Variants in MITF observed in about 807,000 individuals in gnomAD.
MITF encodes melanocyte inducing transcription factor, also known as microphthalmia-associated transcription factor.
Under a neutral mutation model 60.5 loss-of-function variants are expected in MITF, and 17 were observed. The observed-to-expected ratio is 0.28, with a 90% CI of 0.19 to 0.42. MITF has a LOEUF of 0.42. MITF is among the 10% of genes least tolerant of loss of function. The probability of loss-of-function intolerance (pLI) is 1.00; values close to 1 mark genes in which losing one functional copy is unlikely to be tolerated. For missense variants in MITF, 622 were observed against 683.5 expected, an observed-to-expected ratio of 0.91 and a Z score of 1.00; for synonymous variants, 260 against 248.5, an observed-to-expected ratio of 1.05 and a Z score of -0.43.
chr3:69,938,202 C>T, intron 3 of MITF, 153 bp downstream of exon 3: 1 of 1,144,160 alleles, frequency 8.7e-7, no homozygotes, highest in South Asian at 1.3e-5. Flanking sequence ...TGTGGCATTC[C>T]AGCCTGTTGT....
chr3:69,790,380 C>T (rs962366919), intron 1 of MITF, among the ~76,000 whole-genome samples: 1 of 151,926 alleles, frequency 6.6e-6, no homozygotes, highest in Non-Finnish European at 1.5e-5. Flanking sequence ...TTCAGTTTTG[C>T]GAGATGAAAA....
At chr3:69,950,551 CAT>C (rs2066222246) in intron 6 of MITF, among the ~76,000 whole-genome samples, 1 of 144,534 alleles carries the variant, frequency 6.9e-6, no homozygotes, top group African/African-American at 2.6e-5. Flanking sequence ...TATAGATATG[CAT>C]ATATACATGG....
chr3:69,746,053 C>T (rs1157643224), intron 1 of MITF, among the ~76,000 whole-genome samples: 1 of 152,202 alleles, frequency 6.6e-6, no homozygotes, highest in Non-Finnish European at 1.5e-5. Context: ...TGAGGTGCCT[C>T]AACCTGCAGA....
chr3:69,849,216 G>A (rs2063785286), intron 1 of MITF, among the ~76,000 whole-genome samples: 1 of 151,826 alleles, frequency 6.6e-6, no homozygotes, highest in Non-Finnish European at 1.5e-5. Flanking sequence ...CGCCCGCCTC[G>A]GCCTCCCAAA....
chr3:69,956,053 C>G (rs1315780369), intron 7 of MITF, among the ~76,000 whole-genome samples: 2 of 152,174 alleles, frequency 1.3e-5, no homozygotes, highest in African/African-American at 4.8e-5. Flanking sequence ...GCCAGAAGTA[C>G]TAACTTCCTG....
At chr3:69,904,027 GTAT>G (rs1362132430) in intron 2 of MITF, among the ~76,000 whole-genome samples, 1 of 152,086 alleles carries the variant, frequency 6.6e-6, no homozygotes, top group African/African-American at 2.4e-5. Flanking sequence ...TCAGTGGCTG[GTAT>G]TATTACTATA....
chr3:69,826,067 A>G (rs2107072568), intron 1 of MITF, among the ~76,000 whole-genome samples: 1 of 152,314 alleles, frequency 6.6e-6, no homozygotes, highest in South Asian at 2.1e-4. Context: ...AGTGGAATAC[A>G]TAGAGAGGAG....
intron 3 of MITF, 158 bp downstream of exon 3, chr3:69,938,207 TG>T: frequency 8.9e-7 from 1 of 1,126,010 alleles, no homozygotes; most frequent in Non-Finnish European, 1.3e-6. Flanking sequence ...CATTCCAGCC[TG>T]TTGTCTCCAT....
chr3:69,876,372 C>T (rs2064353861), intron 1 of MITF, among the ~76,000 whole-genome samples: 2 of 152,034 alleles, frequency 1.3e-5, no homozygotes, highest in Admixed American at 6.6e-5. Flanking sequence ...ATAGTAAGGC[C>T]GCTTATTTAT....
chr3:69,936,868 T>C (rs2065848406), intron 2 of MITF: 3 of 957,112 alleles, frequency 3.1e-6, no homozygotes, highest in Non-Finnish European at 3.3e-6. Context: ...ATAAATCTGC[T>C]CTTTTAATGC....
intron 1 of MITF, among the ~76,000 whole-genome samples, chr3:69,797,949 A>G (rs1199363360): frequency 6.6e-6 from 1 of 152,248 alleles, no homozygotes; most frequent in Non-Finnish European, 1.5e-5. Flanking sequence ...CTGATCACAG[A>G]TAAAGTGGTG....
At chr3:69,948,914 A>G in intron 5 of MITF, 137 bp from the exon 6 acceptor site, 6 of 702,304 alleles carry the variant, frequency 8.5e-6, no homozygotes, top group Non-Finnish European at 1.5e-5. Flanking sequence ...AACATCTCAT[A>G]TTTTCCTATT....
intron 1 of MITF, among the ~76,000 whole-genome samples, chr3:69,844,694 A>G (rs1191105707): frequency 6.6e-6 from 1 of 152,202 alleles, no homozygotes; most frequent in African/African-American, 2.4e-5. Context: ...CAACTTATGG[A>G]ATGGGAGAAA....
chr3:69,766,042 G>C (rs1337122021), intron 1 of MITF, among the ~76,000 whole-genome samples: 1 of 152,082 alleles, frequency 6.6e-6, no homozygotes, highest in East Asian at 1.9e-4. Flanking sequence ...TTTAAAAAGA[G>C]GTTTTATGTT....
chr3:69,852,664 G>A (rs1441006516), intron 1 of MITF, among the ~76,000 whole-genome samples: 1 of 152,112 alleles, frequency 6.6e-6, no homozygotes, highest in African/African-American at 2.4e-5. Context: ...AAATTTATCT[G>A]GTTTGGGTTA....
rs1204933731 is a variant in MITF, at chr3:69,810,812, CA to C, written c.105-68318del. Among the ~76,000 whole-genome samples the C allele has an allele frequency of 2.6e-5, 4 of 152,220 alleles. 1 individual carries two copies. The highest frequency in any genetic ancestry group is 9.6e-5 in the African/African-American group (4 of 41,530). ...GCTTAACACTGGAAATGACAGAGAA[CA>C]AAATCAAATCTTTGGCCTTCATGGA... On this transcript the variant is annotated intron_variant, in intron 1 of 9. Transcript: ENST00000352241.
At chr3:69,954,429 A>G (rs1444355754) in intron 7 of MITF, among the ~76,000 whole-genome samples, 1 of 152,132 alleles carries the variant, frequency 6.6e-6, no homozygotes, top group African/African-American at 2.4e-5. Context: ...GAGGTAGTGA[A>G]TCAGTTTCAA....
intron 4 of MITF, among the ~76,000 whole-genome samples, chr3:69,939,872 A>C (rs1220967267): frequency 9.9e-5 from 15 of 152,226 alleles, no homozygotes; most frequent in Admixed American, 9.8e-4. Context: ...AGTGGCAAGG[A>C]AATGTTGTTC....
intron 2 of MITF, among the ~76,000 whole-genome samples, chr3:69,880,277 AAT>A (rs1346473417): frequency 6.6e-6 from 1 of 152,188 alleles, no homozygotes; most frequent in Admixed American, 6.5e-5. Flanking sequence ...GCACAGAAAA[AAT>A]GTCTCCCATT....
Sources: allele counts gnomAD v4.1 joint callset (sites outside exome capture counted in the v4.1 genomes callset), GRCh38; gene constraint gnomAD v4.1.1; transcripts MANE v1.5; gene names NCBI Gene and HGNC (gene_info 2026-07-23, HGNC 2026-07-21).